CARD8: variants seen among roughly 807,000 people sequenced by gnomAD.
CARD8 encodes caspase recruitment domain family member 8.
A neutral mutation model predicts 53.2 loss-of-function variants in CARD8; 38 were observed. That is an observed-to-expected ratio of 0.71 (90% CI 0.55 to 0.94). CARD8 has a LOEUF of 0.94. Among genes scored for constraint, CARD8 ranks in the 40% least tolerant of loss-of-function variants. The probability of loss-of-function intolerance (pLI) is 0.00; values close to 1 mark genes in which losing one functional copy is unlikely to be tolerated. For missense variants in CARD8, 561 were observed against 655.5 expected (o/e 0.86, Z 1.57); for synonymous variants, 245 against 244.9 (o/e 1.00, Z 0.00).
At chr19:48,244,481 G>A (rs889264403) in intron 3 of CARD8, among the ~76,000 whole-genome samples, 2 of 152,200 alleles carry the variant, frequency 1.3e-5, no homozygotes, top group African/African-American at 4.8e-5. Flanking sequence ...TGCCAGAGGA[G>A]TAATTTCCTG....
chr19:48,238,790 A>G (rs2044395721), intron 4 of CARD8, among the ~76,000 whole-genome samples: 2 of 152,098 alleles, frequency 1.3e-5, no homozygotes, highest in South Asian at 4.1e-4. Flanking sequence ...CTATCCTTAG[A>G]GATGCCATCC....
In CARD8 at chr19:48,249,764, G is replaced by A. The variant is rs944791063; in HGVS notation, c.-168C>T. On this transcript the variant is annotated 5_prime_UTR_variant, in exon 2 of 14. Transcript: ENST00000651546. ...TGCAGCGCTTACCATGTGAGTTTCAGGAGCCCCAGGGTGCAGGAAGGAGGA... is the reference window on the plus strand; with the variant it reads ...TGCAGCGCTTACCATGTGAGTTTCAAGAGCCCCAGGGTGCAGGAAGGAGGA... The A allele has an allele frequency of 2.0e-5, 3 of 152,502 alleles. No individual in the cohort carries two copies. The highest frequency in any genetic ancestry group is 4.4e-5 in the Non-Finnish European group (3 of 68,180). 9.4% of individuals were successfully genotyped at this position (152,502 alleles called of 1,614,324 possible).
rs1371058781 is a variant in CARD8 at position 48,211,145 on chromosome 19, T to C, written c.*565A>G. The C allele has an allele frequency of 6.6e-6, 1 of 152,410 alleles. No individual in the cohort carries two copies. Among genetic ancestry groups the C allele is most frequent in the Non-Finnish European group, 1.5e-5 (1 of 68,110 alleles). The allele number at this position is 152,410 out of a possible 1,614,324, so 9.4% of individuals were successfully genotyped here. On this transcript the variant is annotated 3_prime_UTR_variant, in exon 14 of 14. Transcript: ENST00000651546. The stretch of plus-strand genomic sequence containing the variant: ...TCATGTTTGCATTTTCTCCCATTTT[T>C]GTGCTCTCTTTCAGCAAATACATTT...
At chr19:48,250,068 A>T (rs911745445) in intron 1 of CARD8, among the ~76,000 whole-genome samples, 2 of 152,196 alleles carry the variant, frequency 1.3e-5, no homozygotes, top group African/African-American at 4.8e-5. Flanking sequence ...TTGTGTTGTT[A>T]ATACTAATAA....
At chr19:48,248,687 A>G (rs1165157766) in intron 3 of CARD8, among the ~76,000 whole-genome samples, 1 of 152,206 alleles carries the variant, frequency 6.6e-6, no homozygotes, top group Non-Finnish European at 1.5e-5. Context: ...CTGTATCTAG[A>G]CTTCAAGACA....
At chr19:48,205,871 T>C (rs2037325377), downstream of CARD8, among the ~76,000 whole-genome samples, 1 of 152,006 alleles carries the variant, frequency 6.6e-6, no homozygotes, top group Non-Finnish European at 1.5e-5. Context: ...AATTGGGCCG[T>C]TTGAGCATTG....
intron 13 of CARD8, chr19:48,213,146 C>T (rs2038377815): frequency 6.6e-6 from 1 of 152,260 alleles, no homozygotes; most frequent in South Asian, 2.1e-4. Flanking sequence ...TCGCCTGAGC[C>T]ATGACACTCT....
At chr19:48,215,280 C>T (rs2039027497) in intron 13 of CARD8, 60 bp downstream of exon 13, 1 of 1,273,000 alleles carries the variant, frequency 7.9e-7, no homozygotes, top group Admixed American at 1.7e-5. Context: ...TCCACTGTCA[C>T]TCAAAGACCC....
chr19:48,214,810 CGA>C (rs1232941155), intron 13 of CARD8, among the ~76,000 whole-genome samples: 9 of 92,990 alleles, frequency 9.7e-5, no homozygotes, highest in Admixed American at 8.3e-4. Flanking sequence ...TTTTGTAGAC[CGA>C]GAGTCTTGCT....
chr19:48,247,563 A>G (rs1445678727), intron 3 of CARD8, among the ~76,000 whole-genome samples: 1 of 151,970 alleles, frequency 6.6e-6, no homozygotes, highest in East Asian at 1.9e-4. Context: ...AAAAATTTGT[A>G]TATGCATAAA....
Position 48,230,838 on chromosome 19 carries a change from G to A in CARD8, c.711C>T (p.Val237=), listed in dbSNP as rs150049816. Reference sequence around the variant, plus strand: ...CGACAGCCTCCTCTGGCTCTGCAGTGACATCAAACAAGGGGCCGCCCACCA... The same window carrying A: ...CGACAGCCTCCTCTGGCTCTGCAGTAACATCAAACAAGGGGCCGCCCACCA... ...QWLVGGPLFD[V]TAEPEEAVAE... Residue 237 remains valine, a synonymous_variant, in exon 9 of 14, where the codon GTC becomes GTT. Transcript: ENST00000651546. 68 of 1,614,160 alleles carry A rather than the reference G, an allele frequency of 4.2e-5. 1 individual carries two copies. The African/African-American group carries it at 8.3e-4, about 20-fold the overall frequency.
At chr19:48,227,190 TG>T (rs1306392041) in intron 10 of CARD8, among the ~76,000 whole-genome samples, 1 of 151,888 alleles carries the variant, frequency 6.6e-6, no homozygotes, top group African/African-American at 2.4e-5. Flanking sequence ...CTACCCTGAA[TG>T]GGGAAGAGAG....
At chr19:48,228,805 A>G (rs1403737821) in intron 10 of CARD8, among the ~76,000 whole-genome samples, 1 of 152,034 alleles carries the variant, frequency 6.6e-6, no homozygotes, top group Non-Finnish European at 1.5e-5. Context: ...GGAAGAGGGA[A>G]AGGGACCCAA....
intron 12 of CARD8, among the ~76,000 whole-genome samples, chr19:48,217,392 G>C (rs796992953): frequency 1.3e-5 from 2 of 152,164 alleles, no homozygotes; most frequent in South Asian, 2.1e-4. Flanking sequence ...TCACACATTT[G>C]TTCAACTATG....
At chr19:48,222,526 T>C (rs542216685) in intron 10 of CARD8, among the ~76,000 whole-genome samples, 8 of 152,178 alleles carry the variant, frequency 5.3e-5, no homozygotes, top group Non-Finnish European at 1.2e-4. Context: ...CCGTCTCTAC[T>C]AAAAATATAA....
chr19:48,213,429 C>T lies in CARD8; in HGVS notation c.1349-1454G>A, dbSNP rs147855138. On this transcript the variant is annotated intron_variant, in intron 13 of 13. Transcript: ENST00000651546. ...TCACTCTTGTCCCCAGGCTGGAGTGCGATGGCACGATCTCGGCTTACTGCA... is the reference window on the plus strand; with the variant it reads ...TCACTCTTGTCCCCAGGCTGGAGTGTGATGGCACGATCTCGGCTTACTGCA... 2.8e-3 allele frequency among the ~76,000 whole-genome samples: 433 copies of T among 152,152 alleles called. 1 individual carries two copies. Among genetic ancestry groups the T allele is most frequent in the African/African-American group, 9.7e-3 (404 of 41,538 alleles).
intron 10 of CARD8, among the ~76,000 whole-genome samples, chr19:48,222,518 G>C (rs573372441): frequency 6.6e-6 from 1 of 152,062 alleles, no homozygotes. Context: ...GCGAAACCCC[G>C]TCTCTACTAA....
chr19:48,206,411 G>A (rs1214863375), downstream of CARD8: 2 of 457,438 alleles, frequency 4.4e-6, no homozygotes, highest in Non-Finnish European at 8.8e-6. Flanking sequence ...ATCTAGAGCA[G>A]TCCCAATGAG....
intron 10 of CARD8, among the ~76,000 whole-genome samples, chr19:48,227,357 T>C (rs1207997778): frequency 6.6e-6 from 1 of 152,036 alleles, no homozygotes; most frequent in Non-Finnish European, 1.5e-5. Context: ...CCTCTGCTTG[T>C]GGGGAATTCA....
Sources: gnomAD v4.1 joint callset for allele counts (sites outside exome capture counted in the v4.1 genomes callset) on GRCh38, gnomAD v4.1.1 for gene constraint, MANE v1.5 for transcripts, NCBI Gene and HGNC (gene_info 2026-07-23, HGNC 2026-07-21) for gene names.